PDE3A: variants seen among roughly 807,000 people sequenced by gnomAD.
The protein encoded by PDE3A is cGMP-inhibited 3',5'-cyclic phosphodiesterase 3A.
A neutral mutation model predicts 98.3 loss-of-function variants in PDE3A; 43 were observed. That is an observed-to-expected ratio of 0.44 (90% confidence interval 0.34 to 0.56). PDE3A has a LOEUF of 0.56. Among genes scored for constraint, PDE3A ranks in the 20% least tolerant of loss-of-function variants. The pLI is 0.01. For synonymous variants in PDE3A, 663 were observed against 567.9 expected, an observed-to-expected ratio of 1.17 and a Z score of -2.38; for missense variants, 1,427 against 1,440.7, an observed-to-expected ratio of 0.99 and a Z score of 0.15.
At chr12:20,610,340 TATAAG>T (rs1421897662) in intron 2 of PDE3A, among the ~76,000 whole-genome samples, 1 of 151,884 alleles carries the variant, frequency 6.6e-6, no homozygotes, top group Non-Finnish European at 1.5e-5. Flanking sequence ...TTAAAACCAC[TATAAG>T]ATATCACTTC....
chr12:20,662,722 A>G (rs968090845), intron 15 of PDE3A, among the ~76,000 whole-genome samples: 3 of 152,212 alleles, frequency 2.0e-5, no homozygotes, highest in African/African-American at 7.2e-5. Flanking sequence ...TGGAATTGGA[A>G]CTTATCTTTA....
intron 8 of PDE3A, 136 bp downstream of exon 8, chr12:20,635,192 G>A (rs533345642): frequency 3.7e-5 from 26 of 702,106 alleles, no homozygotes; most frequent in East Asian, 5.3e-5. Flanking sequence ...AGGACGAAGC[G>A]GGCAGATCAC....
Position 20,552,537 on chromosome 12 carries a change from C to T in PDE3A, c.961-4123C>T. On this transcript the variant is annotated intron_variant, in intron 1 of 15. Coordinates refer to ENST00000359062, the MANE Select transcript of PDE3A (RefSeq NM_000921.5). The surrounding 1 kb of genome is among the most constrained non-coding windows in gnomAD (Gnocchi z 5.1). ...AGGAGGAGGAGCAGCAGGAGGGGGG[C>T]TTCGCGTCCCCCAGGACGGGCAAGG... 1 of 1,613,244 alleles carries T rather than the reference C, an allele frequency of 6.2e-7. No individual in the cohort carries two copies. Among genetic ancestry groups the T allele is most frequent in the East Asian group, 2.2e-5 (1 of 44,816 alleles).
At chr12:20,560,351 A>G (rs572669237) in intron 2 of PDE3A, among the ~76,000 whole-genome samples, 1 of 152,344 alleles carries the variant, frequency 6.6e-6, no homozygotes, top group East Asian at 1.9e-4. Flanking sequence ...TGATCTTACT[A>G]GAGACCAGGT....
chr12:20,391,758 A>G (rs556135615), intron 1 of PDE3A, among the ~76,000 whole-genome samples: 13 of 151,892 alleles, frequency 8.6e-5, no homozygotes, highest in Admixed American at 4.6e-4. Flanking sequence ...GTCCCCTTCC[A>G]TGCCATTTTG....
chr12:20,414,571 G>A (rs539244192), intron 1 of PDE3A, among the ~76,000 whole-genome samples: 370 of 152,260 alleles, frequency 2.4e-3, no homozygotes, highest in African/African-American at 8.2e-3. Context: ...GTTTTCCTAT[G>A]TTTAAATTTA....
chr12:20,632,760 T>G (rs1273667277), intron 6 of PDE3A, among the ~76,000 whole-genome samples: 5 of 152,018 alleles, frequency 3.3e-5, no homozygotes, highest in Non-Finnish European at 4.4e-5. Context: ...AATGCACCCC[T>G]CTTTTGTTCA....
In PDE3A at chr12:20,447,547, A is replaced by G. The variant is rs74958249; in HGVS notation, c.960+77303A>G. ...ATGTAAAACCTAAAGGACAGGGTTCAGAGGACTTCTGGATAGCTGAACATG... is the reference window on the plus strand; with the variant it reads ...ATGTAAAACCTAAAGGACAGGGTTCGGAGGACTTCTGGATAGCTGAACATG... On this transcript the variant is annotated intron_variant, in intron 1 of 15. Transcript: ENST00000359062. Among the ~76,000 whole-genome samples the G allele has an allele frequency of 4.2e-3, 640 of 152,326 alleles. 6 individuals are homozygous for G. Among genetic ancestry groups the G allele is most frequent in the African/African-American group, 0.014 (597 of 41,574 alleles).
At chr12:20,668,527 G>C (rs942339956) in intron 15 of PDE3A, among the ~76,000 whole-genome samples, 8 of 152,352 alleles carry the variant, frequency 5.3e-5, no homozygotes, top group South Asian at 4.1e-4. Context: ...GCCTCCTCAA[G>C]TGGGTCCCTG....
intron 1 of PDE3A, among the ~76,000 whole-genome samples, chr12:20,475,822 G>A (rs61912064): frequency 0.29 from 43,734 of 151,944 alleles, 8,057 homozygotes; most frequent in East Asian, 0.67. Flanking sequence ...CAAATGGGCT[G>A]AAGAAACAGG....
chr12:20,631,580 C>CA (rs1279186641), intron 6 of PDE3A, among the ~76,000 whole-genome samples: 5 of 151,966 alleles, frequency 3.3e-5, no homozygotes, highest in Non-Finnish European at 7.4e-5. Context: ...CTGGGTTCAG[C>CA]ATTTTTAGGG....
At chr12:20,396,354 C>T (rs947907790) in intron 1 of PDE3A, among the ~76,000 whole-genome samples, 6 of 151,992 alleles carry the variant, frequency 3.9e-5, no homozygotes, top group Admixed American at 2.0e-4. Context: ...ATGCCTTTAT[C>T]GCCTAAGCTG....
In PDE3A at chr12:20,547,756, G is replaced by A. The variant is rs112226792; in HGVS notation, c.961-8904G>A. 9.5e-4 allele frequency among the ~76,000 whole-genome samples: 144 copies of A among 151,660 alleles called. 1 individual carries two copies. The highest frequency in any genetic ancestry group is 3.3e-3 in the African/African-American group (138 of 41,352). On this transcript the variant is annotated intron_variant, in intron 1 of 15. Coordinates refer to ENST00000359062, the MANE Select transcript of PDE3A (RefSeq NM_000921.5). ...ATAGTTGTGGTGAATTTTTTCTCCCGAGAAGCCCCTAAAAAGGCGTTCATT... is the reference window on the plus strand; with the variant it reads ...ATAGTTGTGGTGAATTTTTTCTCCCAAGAAGCCCCTAAAAAGGCGTTCATT...
At chr12:20,517,492 G>A (rs889921433) in intron 1 of PDE3A, among the ~76,000 whole-genome samples, 1 of 152,048 alleles carries the variant, frequency 6.6e-6, no homozygotes, top group African/African-American at 2.4e-5. Flanking sequence ...TTGTATAATG[G>A]GCACCATGAT....
chr12:20,457,909 G>C (rs1203968347), intron 1 of PDE3A, among the ~76,000 whole-genome samples: 1 of 151,986 alleles, frequency 6.6e-6, no homozygotes, highest in African/African-American at 2.4e-5. Flanking sequence ...TATCTTTTCA[G>C]TAAGTTTTCA....
chr12:20,498,965 C>A (rs570996414), intron 1 of PDE3A, among the ~76,000 whole-genome samples: 6 of 152,128 alleles, frequency 3.9e-5, no homozygotes, highest in Non-Finnish European at 7.4e-5. Context: ...AGAGAAGGAC[C>A]AATGATCATC....
At chr12:20,601,139 T>G (rs1021412124) in intron 2 of PDE3A, among the ~76,000 whole-genome samples, 2 of 152,174 alleles carry the variant, frequency 1.3e-5, no homozygotes, top group Non-Finnish European at 2.9e-5. Flanking sequence ...AATCGAGAAT[T>G]GTGGCAGGTG....
intron 1 of PDE3A, among the ~76,000 whole-genome samples, chr12:20,464,251 T>G (rs1318522158): frequency 6.6e-6 from 1 of 152,166 alleles, no homozygotes; most frequent in Non-Finnish European, 1.5e-5. Flanking sequence ...TGCATAATAA[T>G]TCAACAGAGT....
rs567119137 is a variant in PDE3A at position 20,672,548 on chromosome 12, A to G, written c.3185-7482A>G. Among the ~76,000 whole-genome samples the G allele has an allele frequency of 3.2e-4, 49 of 151,442 alleles. No homozygotes were observed. The Middle Eastern group carries it at 0.01, about 32-fold the overall frequency. On this transcript the variant is annotated intron_variant, in intron 15 of 15. Coordinates refer to ENST00000359062, the MANE Select transcript of PDE3A (RefSeq NM_000921.5). ...AGAGCCCTCAGAAATAACGCTGCAT[A>G]TCTACAACTATCTGATCTTTGACAA...
Sources: gnomAD v4.1 joint callset for allele counts (sites outside exome capture counted in the v4.1 genomes callset) on GRCh38, gnomAD v4.1.1 for gene constraint, Gnocchi (gnomAD v3.1) non-coding constraint, MANE v1.5 for transcripts, NCBI Gene and HGNC (gene_info 2026-07-23, HGNC 2026-07-21) for gene names.